PALM2AKAP2: variants seen among roughly 807,000 people sequenced by gnomAD.
PALM2AKAP2 encodes PALM2 and AKAP2 fusion, also known as PALM2-AKAP2 fusion protein.
Under a neutral mutation model 71.5 loss-of-function variants are expected in PALM2AKAP2, and 37 were observed. The ratio of observed to expected loss-of-function variants is 0.52; its 90% confidence interval spans 0.40 to 0.68. PALM2AKAP2 has a LOEUF of 0.68. PALM2AKAP2 is among the 30% of genes least tolerant of loss of function. The pLI, the probability that PALM2AKAP2 is intolerant of heterozygous loss-of-function variation, is 0.00. For synonymous variants in PALM2AKAP2, 468 were observed against 478.8 expected (o/e 0.98, Z 0.29); for missense variants, 1,224 against 1,191.8 (o/e 1.03, Z -0.40).
intron 1 of PALM2AKAP2, among the ~76,000 whole-genome samples, chr9:110,116,800 G>C (rs1413536885): frequency 6.6e-6 from 1 of 152,052 alleles, no homozygotes; most frequent in Non-Finnish European, 1.5e-5. Flanking sequence ...TAGAGTGAGA[G>C]TACTCCTAAA....
At chr9:109,784,803 C>G (rs1479887441) in intron 1 of PALM2AKAP2, among the ~76,000 whole-genome samples, 6 of 152,372 alleles carry the variant, frequency 3.9e-5, no homozygotes, top group South Asian at 4.1e-4. Context: ...CGCACTTTTC[C>G]CATGAGCACA....
At chr9:109,940,589 A>C (rs1831336915) in intron 6 of PALM2AKAP2, among the ~76,000 whole-genome samples, 1 of 152,122 alleles carries the variant, frequency 6.6e-6, no homozygotes, top group South Asian at 2.1e-4. Context: ...TAACACAGGG[A>C]ACTTATTCAG....
intron 6 of PALM2AKAP2, among the ~76,000 whole-genome samples, chr9:110,006,924 T>C (rs1832795146): frequency 6.6e-6 from 1 of 152,162 alleles, no homozygotes; most frequent in South Asian, 2.1e-4. Context: ...GGTTTATTCT[T>C]GGTTCATTAA....
At chr9:110,100,951 A>G (rs909822826) in intron 1 of PALM2AKAP2, among the ~76,000 whole-genome samples, 16 of 152,114 alleles carry the variant, frequency 1.1e-4, no homozygotes, top group African/African-American at 3.6e-4. Flanking sequence ...CCTGGAGGAG[A>G]ATGTTCCCAG....
At chr9:109,899,318 C>T (rs1180288742) in intron 3 of PALM2AKAP2, among the ~76,000 whole-genome samples, 1 of 152,190 alleles carries the variant, frequency 6.6e-6, no homozygotes, top group Non-Finnish European at 1.5e-5. Context: ...CTTTCAAATC[C>T]TCTATCTAAT....
chr9:109,917,068 A>T (rs989415494), intron 3 of PALM2AKAP2, among the ~76,000 whole-genome samples: 1 of 152,234 alleles, frequency 6.6e-6, no homozygotes, highest in Non-Finnish European at 1.5e-5. Flanking sequence ...TACACTTTGT[A>T]TAACCACAAG....
intron 1 of PALM2AKAP2, among the ~76,000 whole-genome samples, chr9:110,113,298 G>C (rs1308066408): frequency 2.0e-5 from 3 of 150,200 alleles, no homozygotes; most frequent in African/African-American, 7.4e-5. Flanking sequence ...GAGTGCAGTG[G>C]TGCGATCTCA....
intron 6 of PALM2AKAP2, among the ~76,000 whole-genome samples, chr9:109,999,497 C>T (rs1165488373): frequency 6.6e-6 from 1 of 152,122 alleles, no homozygotes; most frequent in East Asian, 1.9e-4. Flanking sequence ...GGCCTGGGAC[C>T]ATCTGTTCCC....
intron 3 of PALM2AKAP2, among the ~76,000 whole-genome samples, chr9:109,882,771 T>C (rs1008799459): frequency 1.3e-5 from 2 of 152,070 alleles, no homozygotes; most frequent in Non-Finnish European, 2.9e-5. Flanking sequence ...GCCTCTCAAA[T>C]AGCTGGGAAT....
upstream of PALM2AKAP2, among the ~76,000 whole-genome samples, chr9:109,778,059 A>G (rs78050440): frequency 0.019 from 2,966 of 152,348 alleles, 44 homozygotes; most frequent in Non-Finnish European, 0.034. Context: ...GGTTAAAAAT[A>G]CAAAACTTAA....
intron 1 of PALM2AKAP2, among the ~76,000 whole-genome samples, chr9:109,856,508 T>A (rs1829169670): frequency 6.6e-6 from 1 of 152,248 alleles, no homozygotes; most frequent in Admixed American, 6.5e-5. Flanking sequence ...CATTTTTTCC[T>A]GTAGGATGCA....
intron 3 of PALM2AKAP2, among the ~76,000 whole-genome samples, chr9:109,906,056 C>T (rs538840585): frequency 2.0e-5 from 3 of 152,272 alleles, no homozygotes; most frequent in South Asian, 2.1e-4. Context: ...AGAGGTGCCC[C>T]GTGGTGCCTG....
intron 1 of PALM2AKAP2, among the ~76,000 whole-genome samples, chr9:110,135,363 A>G (rs887226156): frequency 5.4e-5 from 8 of 147,202 alleles, no homozygotes; most frequent in Admixed American, 6.8e-5. Context: ...AAAAAAAAAA[A>G]AAAAAGAAAA....
intron 7 of PALM2AKAP2, among the ~76,000 whole-genome samples, chr9:110,039,056 C>T (rs1833468448): frequency 6.6e-6 from 1 of 151,924 alleles, no homozygotes; most frequent in Non-Finnish European, 1.5e-5. Flanking sequence ...CAAGACCAGC[C>T]TGTGCAACAT....
At chr9:110,013,530 A>G (rs1043070344) in intron 6 of PALM2AKAP2, among the ~76,000 whole-genome samples, 1 of 152,226 alleles carries the variant, frequency 6.6e-6, no homozygotes, top group Non-Finnish European at 1.5e-5. Flanking sequence ...ATAAACTTGC[A>G]TTTAAGATAA....
chr9:109,883,456 G>A (rs1001459533), intron 3 of PALM2AKAP2, among the ~76,000 whole-genome samples: 1 of 152,184 alleles, frequency 6.6e-6, no homozygotes, highest in African/African-American at 2.4e-5. Context: ...GCTGCTTTCT[G>A]TAGGAGCAGG....
intron 7 of PALM2AKAP2, among the ~76,000 whole-genome samples, chr9:110,037,693 T>C (rs898382557): frequency 5.9e-5 from 9 of 152,184 alleles, no homozygotes; most frequent in Non-Finnish European, 1.3e-4. Context: ...ATCAGAATGC[T>C]GTAGAATATG....
chr9:109,827,434 C>A (rs571845502), intron 1 of PALM2AKAP2, among the ~76,000 whole-genome samples: 1 of 152,078 alleles, frequency 6.6e-6, no homozygotes, highest in East Asian at 1.9e-4. Flanking sequence ...TATGGTGAAA[C>A]CCCTTCCCTA....
intron 1 of PALM2AKAP2, among the ~76,000 whole-genome samples, chr9:109,846,073 A>T (rs780173336): frequency 6.6e-6 from 1 of 152,138 alleles, no homozygotes; most frequent in Non-Finnish European, 1.5e-5. Flanking sequence ...ATTCCTTTAG[A>T]TTGGGTGAAT....
Sources: allele counts gnomAD v4.1 joint callset (sites outside exome capture counted in the v4.1 genomes callset), GRCh38; gene constraint gnomAD v4.1.1; transcripts MANE v1.5; gene names NCBI Gene and HGNC (gene_info 2026-07-23, HGNC 2026-07-21).